Variants in MYO16 observed in about 807,000 individuals in gnomAD.
MYO16 encodes unconventional myosin-XVI.
A neutral mutation model predicts 205.3 loss-of-function variants in MYO16; 94 were observed. The observed-to-expected ratio is 0.46, with a 90% CI of 0.39 to 0.54. The LOEUF (loss-of-function observed/expected upper bound fraction) is 0.54. Ranked by LOEUF, MYO16 falls within the 20% of genes least tolerant of loss-of-function variation. The pLI, the probability that MYO16 is intolerant of heterozygous loss-of-function variation, is 0.00. For synonymous variants in MYO16, 988 were observed against 954.0 expected, an observed-to-expected ratio of 1.04 and a Z score of -0.66; for missense variants, 2,315 against 2,387.5, an observed-to-expected ratio of 0.97 and a Z score of 0.63.
the MYO16 span, among the ~76,000 whole-genome samples, chr13:108,550,533 G>A: frequency 4.1e-3 from 631 of 152,278 alleles, 4 homozygotes; most frequent in African/African-American, 0.015. Flanking sequence ...GCAAGCTGGT[G>A]ATGTTTGTAT....
At chr13:109,024,252 C>T (rs1886286209) in intron 23 of MYO16, among the ~76,000 whole-genome samples, 1 of 151,418 alleles carries the variant, frequency 6.6e-6, no homozygotes, top group Non-Finnish European at 1.5e-5. Context: ...TTGTTGAATT[C>T]ATAGGGAGTA....
At chr13:108,658,450 G>GTT (rs2139417691) in intron 1 of MYO16, among the ~76,000 whole-genome samples, 1 of 150,066 alleles carries the variant, frequency 6.7e-6, no homozygotes, top group Admixed American at 6.6e-5. Context: ...GTGTGTGTGT[G>GTT]TGTGTGTGTT....
the MYO16 span, among the ~76,000 whole-genome samples, chr13:108,538,680 T>C: frequency 4.6e-5 from 7 of 152,088 alleles, no homozygotes; most frequent in African/African-American, 9.7e-5. Context: ...TATCCTTGCC[T>C]CCCTCCAACT....
the MYO16 span, among the ~76,000 whole-genome samples, chr13:108,517,959 C>T: frequency 6.6e-6 from 1 of 152,166 alleles, no homozygotes; most frequent in South Asian, 2.1e-4. Context: ...CACTAAACCT[C>T]TTCATGAGGG....
intron 3 of MYO16, among the ~76,000 whole-genome samples, chr13:108,714,513 G>A (rs1225247675): frequency 2.6e-5 from 4 of 152,060 alleles, no homozygotes; most frequent in Admixed American, 6.6e-5. Flanking sequence ...AGGAAGGAAA[G>A]GAGAAGGAAG....
intron 20 of MYO16, among the ~76,000 whole-genome samples, chr13:108,983,886 T>C (rs1884537788): frequency 6.6e-6 from 1 of 152,150 alleles, no homozygotes; most frequent in Admixed American, 6.6e-5. Flanking sequence ...CTCTCATTAG[T>C]AAAAGTTGAC....
At chr13:108,575,029 G>A in the MYO16 span, among the ~76,000 whole-genome samples, 5 of 152,156 alleles carry the variant, frequency 3.3e-5, no homozygotes, top group Non-Finnish European at 5.9e-5. Context: ...ACACACTCCA[G>A]TGTGACTAGT....
the MYO16 span, among the ~76,000 whole-genome samples, chr13:108,573,890 G>C: frequency 6.6e-6 from 1 of 152,108 alleles, no homozygotes; most frequent in Non-Finnish European, 1.5e-5. Context: ...TCACTCCATT[G>C]CCCAGGCTGG....
intron 4 of MYO16, among the ~76,000 whole-genome samples, chr13:108,728,031 C>G (rs1884399986): frequency 6.6e-6 from 1 of 151,936 alleles, no homozygotes; most frequent in African/African-American, 2.4e-5. Flanking sequence ...ATATAAAAAG[C>G]ATTGGAGTTT....
chr13:109,169,392 A>C (rs971472467), intron 33 of MYO16, among the ~76,000 whole-genome samples: 9 of 152,222 alleles, frequency 5.9e-5, no homozygotes, highest in African/African-American at 2.2e-4. Context: ...GAAGGGATAG[A>C]AAGGAAGGAA....
intron 1 of MYO16, among the ~76,000 whole-genome samples, chr13:108,623,092 T>C (rs959424079): frequency 6.6e-6 from 1 of 152,154 alleles, no homozygotes; most frequent in Non-Finnish European, 1.5e-5. Context: ...TCCAAATTGC[T>C]TCAGAGCTAC....
At chr13:108,959,346 C>T (rs1883497011) in intron 17 of MYO16, among the ~76,000 whole-genome samples, 1 of 152,142 alleles carries the variant, frequency 6.6e-6, no homozygotes. Context: ...ATGTCTGCTT[C>T]CTCATAGGAA....
At chr13:108,657,168 T>C (rs1881282343) in intron 1 of MYO16, among the ~76,000 whole-genome samples, 1 of 152,252 alleles carries the variant, frequency 6.6e-6, no homozygotes, top group South Asian at 2.1e-4. Context: ...AGCTGTAATA[T>C]TTTAATTGTA....
intron 33 of MYO16, among the ~76,000 whole-genome samples, chr13:109,168,863 T>C (rs4976846): frequency 0.29 from 43,248 of 150,278 alleles, 7,459 homozygotes; most frequent in East Asian, 0.53. Context: ...CTAATGTCTT[T>C]TGTGTATGAG....
chr13:108,715,681 AAAAT>A (rs1883915238), intron 3 of MYO16, among the ~76,000 whole-genome samples: 1 of 152,210 alleles, frequency 6.6e-6, no homozygotes, highest in African/African-American at 2.4e-5. Context: ...GGGAGACAGA[AAAAT>A]AAACCACTGA....
chr13:108,937,149 T>C (rs1335071393), intron 16 of MYO16, among the ~76,000 whole-genome samples: 3 of 152,192 alleles, frequency 2.0e-5, no homozygotes, highest in Admixed American at 6.5e-5. Flanking sequence ...GAATTTCTTT[T>C]CTTTAAAAAT....
intron 16 of MYO16, among the ~76,000 whole-genome samples, chr13:108,936,130 TTCCTTCCTTCC>T (rs1882473929): frequency 6.6e-6 from 1 of 150,726 alleles, no homozygotes; most frequent in Non-Finnish European, 1.5e-5. Flanking sequence ...CCTTCCTTCC[TTCCTTCCTTCC>T]TTCCTTCTTT....
the MYO16 span, among the ~76,000 whole-genome samples, chr13:108,563,103 G>T: frequency 6.6e-6 from 1 of 152,114 alleles, no homozygotes; most frequent in Admixed American, 6.5e-5. Flanking sequence ...CCAGATAAGG[G>T]AAATGCTTTC....
chr13:108,983,584 A>G (rs1033903081), intron 20 of MYO16, among the ~76,000 whole-genome samples: 6 of 152,170 alleles, frequency 3.9e-5, no homozygotes, highest in African/African-American at 9.7e-5. Context: ...ATTTAGGAAC[A>G]TTGGAGCCCA....
Sources: allele counts gnomAD v4.1 joint callset (sites outside exome capture counted in the v4.1 genomes callset), GRCh38; gene constraint gnomAD v4.1.1; transcripts MANE v1.5; gene names NCBI Gene and HGNC (gene_info 2026-07-23, HGNC 2026-07-21).